FAT3: variants seen among roughly 807,000 people sequenced by gnomAD.
FAT3 encodes FAT atypical cadherin 3, also known as protocadherin Fat 3.
In FAT3, 95 loss-of-function variants were observed where a neutral mutation model predicts 310.2. The ratio of observed to expected loss-of-function variants is 0.31; its 90% CI spans 0.26 to 0.36. The LOEUF is 0.36. FAT3 is among the 10% of genes least tolerant of loss of function. The pLI is 1.00. For missense variants in FAT3, 5,408 were observed against 5,715.6 expected (o/e 0.95, Z 1.74); for synonymous variants, 2,314 against 2,192.9 (o/e 1.06, Z -1.54).
At chr11:92,679,841 CAAAAAAAAA>C (rs71064721) in intron 3 of FAT3, among the ~76,000 whole-genome samples, 134 of 57,250 alleles carry the variant, frequency 2.3e-3, no homozygotes, top group East Asian at 0.011. Flanking sequence ...GACTCCATCT[CAAAAAAAAA>C]AAAAAAAAAA....
chr11:92,646,025 T>C (rs1023537838), intron 3 of FAT3, among the ~76,000 whole-genome samples: 3 of 152,234 alleles, frequency 2.0e-5, no homozygotes, highest in Non-Finnish European at 2.9e-5. Context: ...TTGCTATCAA[T>C]TGTTACATAA....
intron 3 of FAT3, among the ~76,000 whole-genome samples, chr11:92,556,903 C>T (rs1955041338): frequency 1.3e-5 from 2 of 152,094 alleles, no homozygotes; most frequent in Non-Finnish European, 2.9e-5. Flanking sequence ...CAGCTCTGCC[C>T]TGAGCTCCTG....
Position 92,355,116 on chromosome 11 carries a change from A to C in FAT3, c.3004A>C (p.Lys1002Gln), listed in dbSNP as rs1171911501. ...IRLSKELDYE[K>Q]QQFYNLTVRA... ...CTTGAGCAAAGAGCTTGATTATGAG[A>C]AACAGCAGTTCTATAACCTTACTGT... Residue 1002 changes from lysine to glutamine, a missense_variant, in exon 2 of 28, where the codon AAA becomes CAA. Coordinates refer to ENST00000525166, the MANE Select transcript of FAT3 (RefSeq NM_001367949.2). 6.2e-7 allele frequency: 1 copy of C among 1,613,668 alleles called. No individual in the cohort carries two copies. Among genetic ancestry groups the C allele is most frequent in the Non-Finnish European group, 8.5e-7 (1 of 1,179,866 alleles).
intron 19 of FAT3, among the ~76,000 whole-genome samples, chr11:92,854,190 C>T (rs1007876287): frequency 2.0e-5 from 3 of 152,152 alleles, no homozygotes; most frequent in South Asian, 2.1e-4. Flanking sequence ...ATCCAGGTTG[C>T]GACAGAACCC....
At chr11:92,806,250 C>A in intron 11 of FAT3, 112 bp from the exon 12 acceptor site, 4 of 1,005,590 alleles carry the variant, frequency 4.0e-6, no homozygotes, top group Non-Finnish European at 4.3e-6. Flanking sequence ...AAAAAAATAA[C>A]AAAAGCTAAA....
At chr11:92,676,477 G>T (rs1036763148) in intron 3 of FAT3, among the ~76,000 whole-genome samples, 1 of 152,154 alleles carries the variant, frequency 6.6e-6, no homozygotes, top group African/African-American at 2.4e-5. Context: ...CCTCATGATT[G>T]TCACTCAGAG....
At chr11:92,875,211 C>T (rs766475553) in intron 22 of FAT3, among the ~76,000 whole-genome samples, 1 of 149,104 alleles carries the variant, frequency 6.7e-6, no homozygotes, top group Non-Finnish European at 1.5e-5. Context: ...TTGCTTTTCC[C>T]TCTCATTGTG....
rs1321355799 is a variant in FAT3, at chr11:92,353,883, T to C, written c.1771T>C (p.Phe591Leu). 2 of 1,613,408 alleles carry C rather than the reference T, an allele frequency of 1.2e-6. No homozygotes were observed. Among genetic ancestry groups the C allele is most frequent in the Non-Finnish European group, 1.7e-6 (2 of 1,179,534 alleles). Residue 591 changes from phenylalanine (F) to leucine (L), a missense_variant, in exon 2 of 28, where the codon TTT (phenylalanine) becomes CTT (leucine). By Grantham distance (22) the Phe-to-Leu change is conservative. Coordinates refer to ENST00000525166, the MANE Select transcript of FAT3 (RefSeq NM_001367949.2). ...TTGCCAGGGAGTTATTTCATATGACTTTCCAGTTGGTGGTCACATCACAGC... is the reference window on the plus strand; with the variant it reads ...TTGCCAGGGAGTTATTTCATATGACCTTCCAGTTGGTGGTCACATCACAGC... ...VACQGVISYD[F>L]PVGGHITAVS...
chr11:92,514,706 A>G (rs1383679962), intron 2 of FAT3, among the ~76,000 whole-genome samples: 1 of 152,170 alleles, frequency 6.6e-6, no homozygotes, highest in Non-Finnish European at 1.5e-5. Flanking sequence ...AAGAACCTAT[A>G]TGGCACACGA....
intron 2 of FAT3, among the ~76,000 whole-genome samples, chr11:92,391,767 T>G (rs1048939562): frequency 3.3e-5 from 5 of 152,196 alleles, no homozygotes; most frequent in Admixed American, 2.6e-4. Flanking sequence ...CATTTCTTCT[T>G]AGAGATTTAT....
intron 3 of FAT3, among the ~76,000 whole-genome samples, chr11:92,636,327 G>A (rs146897633): frequency 6.6e-6 from 1 of 151,982 alleles, no homozygotes; most frequent in African/African-American, 2.4e-5. Context: ...GATTGGGCAG[G>A]AAAAAAGAAA....
chr11:92,569,709 A>G (rs1447615232), intron 3 of FAT3, among the ~76,000 whole-genome samples: 1 of 152,212 alleles, frequency 6.6e-6, no homozygotes, highest in Admixed American at 6.5e-5. Context: ...TTCATGAGAA[A>G]TGTAGTGGGA....
At chr11:92,322,033 A>T (rs1463978682) in intron 1 of FAT3, among the ~76,000 whole-genome samples, 1 of 152,138 alleles carries the variant, frequency 6.6e-6, no homozygotes, top group East Asian at 1.9e-4. Context: ...TTGATTGCTG[A>T]AAATCAGACT....
intron 2 of FAT3, among the ~76,000 whole-genome samples, chr11:92,359,517 T>A (rs1289902884): frequency 6.6e-6 from 1 of 151,838 alleles, no homozygotes; most frequent in Admixed American, 6.6e-5. Flanking sequence ...TTAGGGTACA[T>A]GTGCACATTG....
At chr11:92,692,481 T>C (rs1943824458) in intron 3 of FAT3, among the ~76,000 whole-genome samples, 1 of 152,212 alleles carries the variant, frequency 6.6e-6, no homozygotes, top group Admixed American at 6.5e-5. Context: ...TAGTATTTTA[T>C]TCAAAAAATT....
intron 3 of FAT3, among the ~76,000 whole-genome samples, chr11:92,601,671 G>A (rs1416317572): frequency 6.6e-6 from 1 of 152,138 alleles, no homozygotes; most frequent in East Asian, 1.9e-4. Flanking sequence ...GATTGATGAA[G>A]GACATAAAGT....
chr11:92,859,294 C>G lies in FAT3; in HGVS notation c.11630C>G (p.Thr3877Ser). Residue 3877 changes from threonine (T) to serine (S), a missense_variant, in exon 21 of 28, where the codon ACC becomes AGC. Thr to Ser is a moderately conservative substitution (Grantham distance 58). Transcript: ENST00000525166. ...TLQSNGIIMY[T>S]RANPCIILKI... ...CAAAGCAATGGGATTATAATGTACA[C>G]CAGAGCAAATCCCTGCATAATTCTG... is the stretch of plus-strand genomic sequence containing the variant. 6.2e-7 allele frequency: 1 copy of G among 1,610,706 alleles called. No individual in the cohort carries two copies.
chr11:92,865,924 G>A (rs976344323), intron 21 of FAT3, among the ~76,000 whole-genome samples: 3 of 152,096 alleles, frequency 2.0e-5, no homozygotes, highest in African/African-American at 4.8e-5. Flanking sequence ...CTCTGTTGTC[G>A]CACCCCAAAC....
intron 1 of FAT3, among the ~76,000 whole-genome samples, chr11:92,309,885 T>C (rs1259573161): frequency 6.6e-6 from 1 of 152,174 alleles, no homozygotes; most frequent in Non-Finnish European, 1.5e-5. Flanking sequence ...TTTCTAAGGC[T>C]TCCAACTAAT....
Sources: allele counts gnomAD v4.1 joint callset (sites outside exome capture counted in the v4.1 genomes callset), GRCh38; gene constraint gnomAD v4.1.1; transcripts MANE v1.5; gene names NCBI Gene and HGNC (gene_info 2026-07-23, HGNC 2026-07-21).